TMEM164: variants seen among roughly 807,000 people sequenced by gnomAD.
TMEM164 encodes RP13-360B22.2.
In TMEM164, 4 loss-of-function variants were observed where a neutral mutation model predicts 18.8. The ratio of observed to expected loss-of-function variants is 0.21; its 90% CI spans 0.10 to 0.49. The LOEUF is 0.49. Ranked by LOEUF, TMEM164 falls within the 20% of genes least tolerant of loss-of-function variation. TMEM164 has a pLI of 0.98. For missense variants in TMEM164, 108 were observed against 239.9 expected, an observed-to-expected ratio of 0.45 and a Z score of 3.63; for synonymous variants, 86 against 101.7, an observed-to-expected ratio of 0.85 and a Z score of 0.93.
At chrX:110,095,199 G>A (rs191746189) in intron 3 of TMEM164, among the ~76,000 whole-genome samples, 2 of 111,444 alleles carry the variant, frequency 1.8e-5, no homozygotes, top group East Asian at 5.6e-4. Flanking sequence ...GGTGTTCTCT[G>A]TATTTCCTGA....
At chrX:110,049,482 G>A (rs1410408001) in intron 2 of TMEM164, among the ~76,000 whole-genome samples, 3 of 111,252 alleles carry the variant, frequency 2.7e-5, no homozygotes, top group Non-Finnish European at 3.8e-5. Flanking sequence ...ATGCAGCCTA[G>A]ATCCCTCTCA....
chrX:110,032,412 C>CA (rs1406724535), intron 2 of TMEM164, among the ~76,000 whole-genome samples: 5 of 111,530 alleles, frequency 4.5e-5, no homozygotes, highest in Non-Finnish European at 9.4e-5. Flanking sequence ...GGAACTGACA[C>CA]AATGGTATCC....
intron 5 of TMEM164, among the ~76,000 whole-genome samples, chrX:110,149,313 C>T (rs2066907150): frequency 8.9e-6 from 1 of 111,832 alleles, no homozygotes; most frequent in African/African-American, 3.3e-5. Flanking sequence ...CTTTATTCCT[C>T]AGACCATTTA....
At chrX:110,181,151 A>G (rs2067322315), downstream of TMEM164, among the ~76,000 whole-genome samples, 1 of 111,664 alleles carries the variant, frequency 9.0e-6, no homozygotes, top group Admixed American at 9.4e-5. Context: ...CCAAGCTCAT[A>G]ATTCAAAGCA....
intron 3 of TMEM164, among the ~76,000 whole-genome samples, chrX:110,081,713 A>T (rs943934158): frequency 8.9e-6 from 1 of 112,482 alleles, no homozygotes; most frequent in Non-Finnish European, 1.9e-5. Flanking sequence ...CTCTGTTGTG[A>T]TCTTTATGCC....
At chrX:110,156,212 C>T (rs2067014358) in intron 5 of TMEM164, among the ~76,000 whole-genome samples, 2 of 112,052 alleles carry the variant, frequency 1.8e-5, no homozygotes, top group South Asian at 7.4e-4. Flanking sequence ...AAGGGTACTA[C>T]CTCCTCTCTG....
chrX:110,004,153 A>G lies in TMEM164; in HGVS notation c.379A>G (p.Thr127Ala). ...CCTGCTCAACCCCTGTCACCTGGTC[A>G]CCATGATGCATGTGAGTCTGTTGAC... ...IYLLNPCHLV[T>A]MMHIFLLACP... The change falls in exon 2 of 7, where the codon ACC (threonine) becomes GCC (alanine). Residue 127 changes from threonine to alanine, a missense_variant. Thr to Ala is a moderately conservative substitution (Grantham distance 58). Coordinates refer to ENST00000372068, the MANE Select transcript of TMEM164 (RefSeq NM_032227.4). The G allele has an allele frequency of 1.7e-6, 2 of 1,196,395 alleles. No homozygotes were observed. Among genetic ancestry groups the G allele is most frequent in the Non-Finnish European group, 2.2e-6 (2 of 890,187 alleles).
At chrX:110,034,676 T>C (rs1421873977) in intron 2 of TMEM164, among the ~76,000 whole-genome samples, 1 of 109,593 alleles carries the variant, frequency 9.1e-6, no homozygotes, top group Non-Finnish European at 1.9e-5. Flanking sequence ...TCCTCAGGGA[T>C]CTAGAACTAG....
intron 2 of TMEM164, among the ~76,000 whole-genome samples, chrX:110,066,714 T>C (rs1936354918): frequency 8.9e-6 from 1 of 112,031 alleles, no homozygotes. Context: ...AGGGAACTGA[T>C]TTGTCTGTTA....
chrX:110,025,373 A>C (rs1207725941), intron 2 of TMEM164, among the ~76,000 whole-genome samples: 1 of 111,618 alleles, frequency 9.0e-6, no homozygotes, highest in African/African-American at 3.3e-5. Flanking sequence ...AGGGCAGCTG[A>C]GTTAGAAAGC....
chrX:110,144,777 C>G (rs780896867), intron 4 of TMEM164, 21 bp from the exon 5 acceptor site: 3 of 1,182,397 alleles, frequency 2.5e-6, no homozygotes, highest in East Asian at 6.0e-5. Flanking sequence ...TAAAACACTT[C>G]TCTCCCTCCT....
chrX:110,029,503 T>C lies in TMEM164; in HGVS notation c.390+25339T>C, dbSNP rs1467781010. On this transcript the variant is annotated intron_variant, in intron 2 of 6. Coordinates refer to ENST00000372068, the MANE Select transcript of TMEM164 (RefSeq NM_032227.4). ...ATTGAAATAATAGTTGCATAGGGAT[T>C]CTAAATAATTTATTAGTTCCCTCAC... Among the ~76,000 whole-genome samples the C allele has an allele frequency of 3.6e-5, 4 of 112,166 alleles. No homozygotes were observed. The Admixed American group carries it at 3.8e-4, about 11-fold the overall frequency.
At chrX:110,064,994 C>CAAAAAAAA in intron 2 of TMEM164, 1 of 42,152 alleles carries the variant, frequency 2.4e-5, no homozygotes, top group Non-Finnish European at 3.8e-5. Context: ...GAGACTTTCT[C>CAAAAAAAA]AAAAAAAAAA....
At chrX:110,179,688 C>T (rs777321883), downstream of TMEM164, among the ~76,000 whole-genome samples, 2 of 112,212 alleles carry the variant, frequency 1.8e-5, no homozygotes, top group African/African-American at 3.2e-5. Flanking sequence ...TTTGCTCCTA[C>T]AGCACCTGGT....
chrX:110,056,168 A>ACC (rs1215441657), intron 2 of TMEM164, among the ~76,000 whole-genome samples: 1 of 108,049 alleles, frequency 9.3e-6, no homozygotes, highest in Non-Finnish European at 1.9e-5. Flanking sequence ...GATTTAGCTC[A>ACC]CCCCCCTCCC....
At chrX:110,032,449 T>G (rs1194045553) in intron 2 of TMEM164, among the ~76,000 whole-genome samples, 2 of 111,446 alleles carry the variant, frequency 1.8e-5, no homozygotes, top group East Asian at 5.6e-4. Context: ...TTGTTGTTGT[T>G]TTTTTTTGCA....
At chrX:110,105,280 A>G (rs1267037554) in intron 3 of TMEM164, among the ~76,000 whole-genome samples, 1 of 110,070 alleles carries the variant, frequency 9.1e-6, no homozygotes, top group African/African-American at 3.3e-5. Flanking sequence ...GTTTTATATG[A>G]GTCTTACTAT....
intron 5 of TMEM164, among the ~76,000 whole-genome samples, chrX:110,157,364 G>C (rs2067031144): frequency 1.8e-5 from 2 of 111,837 alleles, no homozygotes; most frequent in Non-Finnish European, 3.8e-5. Context: ...GGGAATTACA[G>C]GGAAGAAGTT....
intron 5 of TMEM164, among the ~76,000 whole-genome samples, chrX:110,146,716 C>G (rs1449992479): frequency 9.0e-6 from 1 of 111,615 alleles, no homozygotes. Flanking sequence ...GGCTCATCTC[C>G]CATCTCCCTT....
Sources: gnomAD v4.1 joint callset for allele counts (sites outside exome capture counted in the v4.1 genomes callset) on GRCh38, gnomAD v4.1.1 for gene constraint, MANE v1.5 for transcripts, NCBI Gene and HGNC (gene_info 2026-07-23, HGNC 2026-07-21) for gene names.